TENM4: variants seen among roughly 807,000 people sequenced by gnomAD.
TENM4 encodes teneurin-4.
A neutral mutation model predicts 243.3 loss-of-function variants in TENM4; 82 were observed. The observed-to-expected ratio is 0.34, with a 90% CI of 0.28 to 0.40. The LOEUF (loss-of-function observed/expected upper bound fraction) is 0.40. Among genes scored for constraint, TENM4 ranks in the 10% least tolerant of loss-of-function variants. The pLI is 1.00. For missense variants in TENM4, 3,138 were observed against 3,673.3 expected, an observed-to-expected ratio of 0.85 and a Z score of 3.77; for synonymous variants, 1,412 against 1,456.3, an observed-to-expected ratio of 0.97 and a Z score of 0.69.
At chr11:79,260,006 G>A (rs1855769210) in intron 2 of TENM4, among the ~76,000 whole-genome samples, 1 of 152,170 alleles carries the variant, frequency 6.6e-6, no homozygotes, top group South Asian at 2.1e-4. Flanking sequence ...AGTGAGCACT[G>A]CCACCTGGAG....
intron 1 of TENM4, among the ~76,000 whole-genome samples, chr11:79,390,287 G>T (rs1858205248): frequency 6.6e-6 from 1 of 152,190 alleles, no homozygotes; most frequent in African/African-American, 2.4e-5. Flanking sequence ...TCCTTGTCTT[G>T]GGGGAGGGGT....
At chr11:78,689,921 T>A (rs1294609183) in intron 28 of TENM4, among the ~76,000 whole-genome samples, 2 of 152,172 alleles carry the variant, frequency 1.3e-5, no homozygotes, top group Admixed American at 1.3e-4. Context: ...TTTGGGGAAG[T>A]TGGATGCCTC....
At chr11:79,385,155 T>C (rs1345392453) in intron 1 of TENM4, among the ~76,000 whole-genome samples, 1 of 152,106 alleles carries the variant, frequency 6.6e-6, no homozygotes, top group African/African-American at 2.4e-5. Context: ...GCTTTCACCT[T>C]GGATCCACGT....
At chr11:78,753,762 T>C (rs1856243059) in intron 19 of TENM4, among the ~76,000 whole-genome samples, 1 of 152,328 alleles carries the variant, frequency 6.6e-6, no homozygotes, top group South Asian at 2.1e-4. Flanking sequence ...GCTTCCATTA[T>C]CTATTCATTT....
At chr11:78,937,822 T>A (rs1222450098) in intron 6 of TENM4, among the ~76,000 whole-genome samples, 1 of 152,232 alleles carries the variant, frequency 6.6e-6, no homozygotes, top group Non-Finnish European at 1.5e-5. Context: ...ACGAATGCAC[T>A]TTTTGGTCTC....
chr11:79,337,531 G>A (rs1857166981), intron 1 of TENM4, among the ~76,000 whole-genome samples: 1 of 152,194 alleles, frequency 6.6e-6, no homozygotes, highest in South Asian at 2.1e-4. Context: ...CCAGAGGGGA[G>A]AATAGCCAGA....
chr11:79,427,119 T>C (rs1000156176), intron 1 of TENM4, among the ~76,000 whole-genome samples: 7 of 152,130 alleles, frequency 4.6e-5, no homozygotes, highest in African/African-American at 1.7e-4. Context: ...TGAAACTCCC[T>C]ACACAACACA....
chr11:79,045,016 G>A (rs1341264031), intron 6 of TENM4, among the ~76,000 whole-genome samples: 1 of 152,094 alleles, frequency 6.6e-6, no homozygotes, highest in African/African-American at 2.4e-5. Context: ...ATCCAATGTT[G>A]TGCAACCCTC....
intron 1 of TENM4, among the ~76,000 whole-genome samples, chr11:79,370,001 G>T (rs780502960): frequency 6.6e-6 from 1 of 152,160 alleles, no homozygotes; most frequent in African/African-American, 2.4e-5. Context: ...GCAATTTTCC[G>T]TAAGCTGCTT....
At chr11:79,328,595 G>A (rs1344514378) in intron 1 of TENM4, among the ~76,000 whole-genome samples, 1 of 152,070 alleles carries the variant, frequency 6.6e-6, no homozygotes, top group Non-Finnish European at 1.5e-5. Context: ...GGTGGCGGTG[G>A]TGGTGGCGGT....
At chr11:79,253,226 C>A (rs1256152575) in intron 2 of TENM4, among the ~76,000 whole-genome samples, 7 of 152,122 alleles carry the variant, frequency 4.6e-5, no homozygotes. Context: ...TCCACTGGGG[C>A]CAAAAACATA....
At chr11:78,785,460 G>A (rs995121397) in intron 16 of TENM4, among the ~76,000 whole-genome samples, 1 of 152,126 alleles carries the variant, frequency 6.6e-6, no homozygotes, top group African/African-American at 2.4e-5. Context: ...ATCGTGCAAG[G>A]GCTGCAGAGT....
At chr11:79,033,951 T>C (rs527557678) in intron 6 of TENM4, among the ~76,000 whole-genome samples, 201 of 152,302 alleles carry the variant, frequency 1.3e-3, no homozygotes, top group Non-Finnish European at 2.2e-3. Flanking sequence ...ACCACAATCA[T>C]TAATCATAGG....
At chr11:79,132,343 C>A (rs1190477566) in intron 4 of TENM4, among the ~76,000 whole-genome samples, 2 of 5,814 alleles carry the variant, frequency 3.4e-4, no homozygotes, top group Non-Finnish European at 9.9e-4. Context: ...AAGACTCCAA[C>A]TCAAAAAAAA....
chr11:79,152,843 A>G (rs1467917308), intron 3 of TENM4, among the ~76,000 whole-genome samples: 1 of 152,234 alleles, frequency 6.6e-6, no homozygotes, highest in Non-Finnish European at 1.5e-5. Flanking sequence ...AGATGTCCAA[A>G]CTCACCTTTT....
chr11:78,980,688 C>T (rs189433946), intron 6 of TENM4, among the ~76,000 whole-genome samples: 46 of 152,244 alleles, frequency 3.0e-4, no homozygotes, highest in African/African-American at 9.9e-4. Flanking sequence ...GCTGTACAAC[C>T]GTGGGCAAAG....
chr11:79,315,964 GTTAC>G (rs1320590323), intron 1 of TENM4, among the ~76,000 whole-genome samples: 6 of 152,198 alleles, frequency 3.9e-5, no homozygotes, highest in South Asian at 4.1e-4. Context: ...CGAAACTGCA[GTTAC>G]TTTTGCACCA....
At chr11:79,026,139 G>C (rs1228724429) in intron 6 of TENM4, among the ~76,000 whole-genome samples, 1 of 152,220 alleles carries the variant, frequency 6.6e-6, no homozygotes, top group Non-Finnish European at 1.5e-5. Context: ...AAATGTCCCA[G>C]TTCTGAAAGG....
chr11:79,417,725 T>A (rs1441899643), intron 1 of TENM4, among the ~76,000 whole-genome samples: 1 of 152,202 alleles, frequency 6.6e-6, no homozygotes, highest in African/African-American at 2.4e-5. Flanking sequence ...CAGAATAGAA[T>A]CCAAGCTCCT....
Sources: gnomAD v4.1 joint callset for allele counts (sites outside exome capture counted in the v4.1 genomes callset) on GRCh38, gnomAD v4.1.1 for gene constraint, MANE v1.5 for transcripts, NCBI Gene and HGNC (gene_info 2026-07-23, HGNC 2026-07-21) for gene names.